Variants in ERC2 observed in about 807,000 individuals in gnomAD.
The protein encoded by ERC2 is ELKS/RAB6-interacting/CAST family member 2, also known as ERC protein 2.
In ERC2, 42 loss-of-function variants were observed where a neutral mutation model predicts 114.8. That is an observed-to-expected ratio of 0.37 (90% CI 0.29 to 0.47). The LOEUF is 0.47. ERC2 is among the 20% of genes least tolerant of loss of function. ERC2 has a pLI of 0.99. For synonymous variants in ERC2, 454 were observed against 425.5 expected, an observed-to-expected ratio of 1.07 and a Z score of -0.82; for missense variants, 939 against 1,150.7, an observed-to-expected ratio of 0.82 and a Z score of 2.66.
At chr3:55,746,453 C>T (rs1457259960) in intron 14 of ERC2, among the ~76,000 whole-genome samples, 3 of 152,066 alleles carry the variant, frequency 2.0e-5, no homozygotes, top group Admixed American at 2.0e-4. Context: ...AGGCTGGTCT[C>T]GAACTCCCGA....
chr3:55,800,665 C>T (rs2070974729), intron 14 of ERC2, among the ~76,000 whole-genome samples: 1 of 152,056 alleles, frequency 6.6e-6, no homozygotes. Context: ...GGCCAAGAGG[C>T]AAATGAGTGA....
intron 3 of ERC2, among the ~76,000 whole-genome samples, chr3:56,292,704 G>A (rs528429252): frequency 6.6e-6 from 1 of 152,102 alleles, no homozygotes; most frequent in African/African-American, 2.4e-5. Context: ...TTAGCAGTGT[G>A]ACATTGGGTT....
chr3:56,417,191 G>A (rs551070508), intron 2 of ERC2, among the ~76,000 whole-genome samples: 1 of 152,272 alleles, frequency 6.6e-6, no homozygotes, highest in South Asian at 2.1e-4. Flanking sequence ...GAAACCATGT[G>A]ATCTTTCTTT....
At chr3:55,979,689 CAT>C (rs1032214392) in intron 12 of ERC2, among the ~76,000 whole-genome samples, 7 of 151,842 alleles carry the variant, frequency 4.6e-5, no homozygotes, top group African/African-American at 1.7e-4. Context: ...GGAGTTAAAA[CAT>C]GAGTCTCACT....
At chr3:56,372,594 T>G (rs1172743858) in intron 2 of ERC2, among the ~76,000 whole-genome samples, 1 of 151,974 alleles carries the variant, frequency 6.6e-6, no homozygotes, top group African/African-American at 2.4e-5. Flanking sequence ...AGGTGTGGTA[T>G]CGCGTGCCTG....
Position 56,450,317 on chromosome 3 carries a change from T to C in ERC2, c.-140-15170A>G, listed in dbSNP as rs567767349. ...GGCTCATGTTTTATGGCAAGGTACT[T>C]GAGTCAAGAGGCTGACTGTCTTCCA... On this transcript the variant is annotated intron_variant, in intron 1 of 17. Coordinates refer to ENST00000288221, the MANE Select transcript of ERC2 (RefSeq NM_015576.3). Among the ~76,000 whole-genome samples, 41 of 152,326 alleles carry C rather than the reference T, an allele frequency of 2.7e-4. 1 individual carries two copies. Among genetic ancestry groups the C allele is most frequent in the African/African-American group, 9.4e-4 (39 of 41,564 alleles).
chr3:56,188,756 T>G (rs979263645), intron 3 of ERC2, among the ~76,000 whole-genome samples: 1 of 152,188 alleles, frequency 6.6e-6, no homozygotes, highest in African/African-American at 2.4e-5. Context: ...TCTTTTCACA[T>G]CCTTGATGGG....
At chr3:56,093,516 A>T (rs1257592107) in intron 6 of ERC2, among the ~76,000 whole-genome samples, 1 of 152,150 alleles carries the variant, frequency 6.6e-6, no homozygotes, top group Non-Finnish European at 1.5e-5. Flanking sequence ...ATCTTCACAC[A>T]ACATACCACT....
intron 3 of ERC2, among the ~76,000 whole-genome samples, chr3:56,201,675 A>C (rs1435585549): frequency 6.6e-6 from 1 of 152,220 alleles, no homozygotes; most frequent in Non-Finnish European, 1.5e-5. Context: ...AACAGGCTAC[A>C]CCCTCAGTAG....
chr3:56,323,982 T>C (rs962962758), intron 2 of ERC2, among the ~76,000 whole-genome samples: 4 of 152,186 alleles, frequency 2.6e-5, no homozygotes, highest in African/African-American at 7.2e-5. Context: ...CCATGGAAGA[T>C]TGAGGACAGC....
At chr3:56,203,151 C>G (rs2048502426) in intron 3 of ERC2, among the ~76,000 whole-genome samples, 1 of 152,142 alleles carries the variant, frequency 6.6e-6, no homozygotes, top group African/African-American at 2.4e-5. Context: ...AAACATAAAC[C>G]TCTTAGGGAA....
At chr3:55,789,853 T>C (rs2069840815) in intron 14 of ERC2, among the ~76,000 whole-genome samples, 1 of 152,172 alleles carries the variant, frequency 6.6e-6, no homozygotes, top group Admixed American at 6.5e-5. Flanking sequence ...AGGGGACTTT[T>C]TGGCATCAAT....
intron 17 of ERC2, among the ~76,000 whole-genome samples, chr3:55,546,870 G>A (rs2054792378): frequency 6.6e-6 from 1 of 152,180 alleles, no homozygotes; most frequent in African/African-American, 2.4e-5. Context: ...ATTTATTGCC[G>A]AGGCTCTCTC....
intron 3 of ERC2, among the ~76,000 whole-genome samples, chr3:56,271,297 T>C (rs539781682): frequency 2.4e-4 from 37 of 152,312 alleles, no homozygotes; most frequent in East Asian, 3.9e-4. Flanking sequence ...CGGTTGGTCA[T>C]CCTACAGGAG....
Position 56,019,019 on chromosome 3 carries a change from G to C in ERC2, c.1654C>G (p.Gln552Glu). 6.2e-7 allele frequency: 1 copy of C among 1,609,210 alleles called. No homozygotes were observed. Among genetic ancestry groups the C allele is most frequent in the Non-Finnish European group, 8.5e-7 (1 of 1,177,872 alleles). ...NVLQKKIENL[Q>E]EQLRDKDKQL... ...TTGTCTTTATCCCTAAGTTGTTCTT[G>C]CAAGTTTTCAATCTAAAAATAAAAA... is the stretch of plus-strand genomic sequence containing the variant. Residue 552 changes from glutamine to glutamate, a missense_variant, in exon 8 of 18, where the codon CAA (glutamine) becomes GAA (glutamate). By Grantham distance (29) the Gln-to-Glu change is conservative (BLOSUM62 2). Transcript: ENST00000288221.
At chr3:56,276,995 C>G (rs2054047133) in intron 3 of ERC2, among the ~76,000 whole-genome samples, 1 of 152,218 alleles carries the variant, frequency 6.6e-6, no homozygotes, top group Non-Finnish European at 1.5e-5. Context: ...CCCCATCTTT[C>G]CTACTTATCT....
At chr3:55,738,803 G>A (rs114676178) in intron 14 of ERC2, among the ~76,000 whole-genome samples, 2,723 of 152,254 alleles carry the variant, frequency 0.018, 37 homozygotes, top group Middle Eastern at 0.031. Context: ...GTGCACATGT[G>A]CAGAATGTGC....
intron 14 of ERC2, among the ~76,000 whole-genome samples, chr3:55,754,563 GAAAA>G (rs912930647): frequency 3.9e-5 from 2 of 51,054 alleles, no homozygotes; most frequent in African/African-American, 8.9e-5. Flanking sequence ...ATTTGCTTGA[GAAAA>G]AAACCCTGCG....
At chr3:56,141,218 C>T (rs949984836) in intron 5 of ERC2, among the ~76,000 whole-genome samples, 6 of 152,140 alleles carry the variant, frequency 3.9e-5, no homozygotes, top group Admixed American at 3.9e-4. Flanking sequence ...TCCTTCATTC[C>T]TTCCTACTTG....
Sources: gnomAD v4.1 joint callset for allele counts (sites outside exome capture counted in the v4.1 genomes callset) on GRCh38, gnomAD v4.1.1 for gene constraint, MANE v1.5 for transcripts, NCBI Gene and HGNC (gene_info 2026-07-23, HGNC 2026-07-21) for gene names.